The following DSCAML1 variants were observed in gnomAD, a reference collection of about 807,000 sequenced individuals.
DSCAML1 encodes DS cell adhesion molecule like 1.
Under a neutral mutation model 200.5 loss-of-function variants are expected in DSCAML1, and 38 were observed. The observed-to-expected ratio is 0.19, with a 90% confidence interval of 0.15 to 0.25. DSCAML1 has a LOEUF of 0.25. DSCAML1 is among the 10% of genes least tolerant of loss of function. The pLI is 1.00. For synonymous variants in DSCAML1, 1,215 were observed against 1,165.0 expected, an observed-to-expected ratio of 1.04 and a Z score of -0.87; for missense variants, 2,223 against 2,858.8, an observed-to-expected ratio of 0.78 and a Z score of 5.07.
Position 117,444,113 on chromosome 11 carries a change from C to T in DSCAML1, c.3709-74G>A, listed in dbSNP as rs117751876. ...CAGCGTCCAAATCTTCCTCAGTGCC[C>T]GGGGCTCAGAGGAGAGGATGGCGGG... On this transcript the variant is annotated intron_variant, in intron 20 of 32. Coordinates refer to ENST00000651296, the MANE Select transcript of DSCAML1 (RefSeq NM_020693.4). 6.1e-5 allele frequency: 92 copies of T among 1,515,392 alleles called. No homozygotes were observed. The South Asian group carries it at 8.1e-4, about 13-fold the overall frequency. 93.9% of individuals were successfully genotyped at this position (1,515,392 alleles called of 1,614,324 possible). A position where few individuals can be genotyped will look rare whatever the true frequency, so the allele number is the denominator to read the frequency against.
rs563696323 is a variant in DSCAML1 at position 117,473,671 on chromosome 11, C to T, written c.2786-1635G>A. 2.3e-4 allele frequency among the ~76,000 whole-genome samples: 35 copies of T among 152,286 alleles called. No individual in the cohort carries two copies. The East Asian group carries it at 2.7e-3, about 12-fold the overall frequency. The stretch of plus-strand genomic sequence containing the variant: ...CAGGCTTAGCATCTGTGAAGGGCAC[C>T]GGCCCAGCTCCCCATCTGTAGTTTT... On this transcript the variant is annotated intron_variant, in intron 14 of 32. Transcript: ENST00000651296.
chr11:117,490,328 T>G (rs960740575), intron 11 of DSCAML1, among the ~76,000 whole-genome samples: 1 of 152,176 alleles, frequency 6.6e-6, no homozygotes, highest in Admixed American at 6.5e-5. Flanking sequence ...TACATTTTAA[T>G]TTGATGTGAG....
chr11:117,672,102 GAAAAAA>G (rs71037491), intron 3 of DSCAML1, among the ~76,000 whole-genome samples: 36 of 94,484 alleles, frequency 3.8e-4, no homozygotes, highest in African/African-American at 1.7e-3. Flanking sequence ...CTCCAGCTCA[GAAAAAA>G]AAAAAAAAAA....
chr11:117,580,344 G>A (rs1319709449), intron 3 of DSCAML1, among the ~76,000 whole-genome samples: 1 of 152,190 alleles, frequency 6.6e-6, no homozygotes, highest in Non-Finnish European at 1.5e-5. Flanking sequence ...CTCAGGGCAA[G>A]CTTTAGCTCT....
intron 18 of DSCAML1, 150 bp from the exon 19 acceptor site, chr11:117,459,059 G>T: frequency 9.4e-7 from 1 of 1,060,470 alleles, no homozygotes; most frequent in East Asian, 2.5e-5. Context: ...TTCACCTCAA[G>T]GTACCCAGGA....
intron 3 of DSCAML1, among the ~76,000 whole-genome samples, chr11:117,751,304 G>T (rs888098939): frequency 2.0e-5 from 3 of 151,094 alleles, no homozygotes; most frequent in Admixed American, 6.6e-5. Flanking sequence ...TGCTGCATAT[G>T]CTCCCTTAAA....
At chr11:117,677,329 G>A (rs1018019157) in intron 3 of DSCAML1, among the ~76,000 whole-genome samples, 2 of 152,186 alleles carry the variant, frequency 1.3e-5, no homozygotes, top group African/African-American at 4.8e-5. Context: ...TCCAGTCTGG[G>A]TAAAATAAAT....
intron 3 of DSCAML1, among the ~76,000 whole-genome samples, chr11:117,713,407 C>T (rs1456527756): frequency 1.3e-5 from 2 of 152,170 alleles, no homozygotes; most frequent in South Asian, 2.1e-4. Context: ...TGAGCCACCA[C>T]GTCCGGCCAC....
At chr11:117,808,862 T>A (rs1033808745) in intron 1 of DSCAML1, among the ~76,000 whole-genome samples, 1 of 152,202 alleles carries the variant, frequency 6.6e-6, no homozygotes, top group African/African-American at 2.4e-5. Context: ...GGCGTACATA[T>A]CTCATTTACA....
chr11:117,776,668 G>T, intron 3 of DSCAML1, 123 bp downstream of exon 3: 1 of 1,155,634 alleles, frequency 8.7e-7, no homozygotes, highest in Non-Finnish European at 1.2e-6. Context: ...ACAATAACAA[G>T]TCACTCCCCA....
intron 3 of DSCAML1, among the ~76,000 whole-genome samples, chr11:117,770,561 G>A (rs2055018438): frequency 6.6e-6 from 1 of 152,032 alleles, no homozygotes; most frequent in Non-Finnish European, 1.5e-5. Context: ...GTAGGGGAGA[G>A]ACTGTCATTT....
intron 1 of DSCAML1, among the ~76,000 whole-genome samples, chr11:117,816,243 G>A (rs1046789616): frequency 3.3e-5 from 5 of 152,202 alleles, no homozygotes; most frequent in African/African-American, 1.2e-4. Context: ...GGGCCCTTCC[G>A]TGGCTCTCCC....
intron 1 of DSCAML1, among the ~76,000 whole-genome samples, chr11:117,809,514 C>T (rs150199188): frequency 3.1e-4 from 47 of 152,328 alleles, no homozygotes; most frequent in Middle Eastern, 3.4e-3. Context: ...ATGGTGGCGC[C>T]GCAGGCTGCT....
At position 117,463,646 on chromosome 11, in the gene DSCAML1, T is replaced by G. The variant is rs2048524953; in HGVS notation, c.3265+1296A>C. ...CAGGCCCGAGGCCAGCATCTCAGGG[T>G]GGGAGGGATGGAGAGGGATAGCGAG... On this transcript the variant is annotated intron_variant, in intron 17 of 32. Transcript: ENST00000651296. The surrounding 1 kb of genome is among the most constrained non-coding windows in gnomAD (Gnocchi z 4.0). Among the ~76,000 whole-genome samples, 1 of 152,122 alleles carries G rather than the reference T, an allele frequency of 6.6e-6. No individual in the cohort carries two copies. Among genetic ancestry groups the G allele is most frequent in the African/African-American group, 2.4e-5 (1 of 41,424 alleles).
At chr11:117,455,407 C>T (rs1421837024) in intron 19 of DSCAML1, among the ~76,000 whole-genome samples, 1 of 152,166 alleles carries the variant, frequency 6.6e-6, no homozygotes, top group Non-Finnish European at 1.5e-5. Context: ...TCTAGTCATG[C>T]CTCTTCCTCA....
intron 14 of DSCAML1, among the ~76,000 whole-genome samples, chr11:117,478,303 T>C (rs1188520364): frequency 6.6e-6 from 1 of 152,160 alleles, no homozygotes; most frequent in African/African-American, 2.4e-5. Flanking sequence ...CCATCCCAGA[T>C]GTGCGCCGGC....
chr11:117,431,811 G>C (rs1178528906), intron 30 of DSCAML1, 83 bp from the exon 31 acceptor site: 6 of 1,349,056 alleles, frequency 4.4e-6, no homozygotes, highest in Non-Finnish European at 6.0e-6. Context: ...GAAAGGGCAG[G>C]GGGGAGCAAG....
At chr11:117,809,945 A>G (rs1388990825) in intron 1 of DSCAML1, among the ~76,000 whole-genome samples, 1 of 132,278 alleles carries the variant, frequency 7.6e-6, no homozygotes, top group African/African-American at 3.5e-5. Context: ...ATATTCACAT[A>G]CACACATTCA....
At chr11:117,448,512 C>T (rs569652978) in intron 20 of DSCAML1, among the ~76,000 whole-genome samples, 2 of 151,818 alleles carry the variant, frequency 1.3e-5, no homozygotes, top group Non-Finnish European at 1.5e-5. Flanking sequence ...CAGTGTCTGA[C>T]GGGAGTGAGG....
Sources: gnomAD v4.1 joint callset for allele counts (sites outside exome capture counted in the v4.1 genomes callset) on GRCh38, gnomAD v4.1.1 for gene constraint, Gnocchi (gnomAD v3.1) non-coding constraint, MANE v1.5 for transcripts, NCBI Gene and HGNC (gene_info 2026-07-23, HGNC 2026-07-21) for gene names.